The following NPAS3 variants were observed in gnomAD, a reference collection of about 807,000 sequenced individuals.
NPAS3 encodes neuronal PAS domain protein 3, also known as neuronal PAS domain-containing protein 3.
NPAS3 carries 14 observed loss-of-function variants against 73.1 expected under a neutral mutation model. That is an observed-to-expected ratio of 0.19 (90% CI 0.13 to 0.30). The LOEUF (loss-of-function observed/expected upper bound fraction) is 0.30. Ranked by LOEUF, NPAS3 falls within the 10% of genes least tolerant of loss-of-function variation. The pLI is 1.00. For synonymous variants in NPAS3, 620 were observed against 541.5 expected (o/e 1.14, Z -2.01); for missense variants, 1,096 against 1,250.0 (o/e 0.88, Z 1.86).
At chr14:33,725,714 T>C (rs987922238) in intron 6 of NPAS3, among the ~76,000 whole-genome samples, 1 of 152,130 alleles carries the variant, frequency 6.6e-6, no homozygotes, top group African/African-American at 2.4e-5. Flanking sequence ...TTGCCTTTCA[T>C]TGCCACTGTC....
At chr14:33,524,500 T>G (rs2053702869) in intron 4 of NPAS3, among the ~76,000 whole-genome samples, 1 of 152,300 alleles carries the variant, frequency 6.6e-6, no homozygotes, top group South Asian at 2.1e-4. Context: ...CTCCAGTTAA[T>G]CAATAATCTG....
At chr14:33,659,592 A>C (rs965263608) in intron 5 of NPAS3, among the ~76,000 whole-genome samples, 1 of 152,224 alleles carries the variant, frequency 6.6e-6, no homozygotes, top group Non-Finnish European at 1.5e-5. Flanking sequence ...AAATGACACA[A>C]TTAAAACTAG....
chr14:33,640,257 G>C (rs889728375), intron 5 of NPAS3, among the ~76,000 whole-genome samples: 4 of 151,442 alleles, frequency 2.6e-5, no homozygotes, highest in African/African-American at 9.7e-5. Context: ...CCCTCTTCTT[G>C]CTCCCTAGAG....
At chr14:33,292,816 A>G (rs757936376) in intron 3 of NPAS3, among the ~76,000 whole-genome samples, 1 of 152,158 alleles carries the variant, frequency 6.6e-6, no homozygotes, top group Non-Finnish European at 1.5e-5. Flanking sequence ...AATAATCCCC[A>G]TGTATTCTTG....
chr14:33,765,132 A>G (rs1761057279), intron 7 of NPAS3, among the ~76,000 whole-genome samples: 1 of 152,184 alleles, frequency 6.6e-6, no homozygotes, highest in African/African-American at 2.4e-5. Flanking sequence ...AATTATAGTT[A>G]TATTTTTTAT....
Position 33,735,199 on chromosome 14 carries a change from T to C in NPAS3, c.734-15T>C. The C allele has an allele frequency of 6.3e-7, 1 of 1,583,032 alleles. No homozygotes were observed. ...AGATCTAAATCGTGTGTGTCTGTATTTTTGTATTCCTCAGTGGAGTCAACC... is the reference window on the plus strand; with the variant it reads ...AGATCTAAATCGTGTGTGTCTGTATCTTTGTATTCCTCAGTGGAGTCAACC... On this transcript the variant is annotated splice_polypyrimidine_tract_variant and intron_variant, in intron 6 of 11. Coordinates refer to ENST00000356141, the Ensembl canonical transcript of NPAS3.
chr14:33,039,965 G>A (rs2040298861), intron 1 of NPAS3, among the ~76,000 whole-genome samples: 1 of 152,098 alleles, frequency 6.6e-6, no homozygotes, highest in African/African-American at 2.4e-5. Flanking sequence ...TTTTTTCCAT[G>A]TAAGGCTCTA....
intron 2 of NPAS3, among the ~76,000 whole-genome samples, chr14:33,206,441 C>T (rs1285611328): frequency 6.6e-6 from 1 of 152,088 alleles, no homozygotes; most frequent in Non-Finnish European, 1.5e-5. Flanking sequence ...AGAAAACTCC[C>T]AGTTTTGGGG....
intron 4 of NPAS3, among the ~76,000 whole-genome samples, chr14:33,497,882 CA>C (rs2052290270): frequency 6.6e-6 from 1 of 151,862 alleles, no homozygotes. Flanking sequence ...ACACAGCAAA[CA>C]AAACGACCGT....
chr14:33,155,136 T>G (rs2044601365), intron 2 of NPAS3, among the ~76,000 whole-genome samples: 1 of 152,244 alleles, frequency 6.6e-6, no homozygotes, highest in African/African-American at 2.4e-5. Flanking sequence ...TTTAAAACTT[T>G]TGCCTTGGGA....
At chr14:33,782,238 C>CCCTCCAGT (rs1188373253) in intron 9 of NPAS3, among the ~76,000 whole-genome samples, 1 of 152,232 alleles carries the variant, frequency 6.6e-6, no homozygotes, top group African/African-American at 2.4e-5. Context: ...ACCTCTTCCT[C>CCCTCCAGT]CCTCCAGTTC....
intron 2 of NPAS3, among the ~76,000 whole-genome samples, chr14:33,120,670 A>C (rs2043203156): frequency 6.6e-6 from 1 of 152,086 alleles, no homozygotes; most frequent in Non-Finnish European, 1.5e-5. Context: ...AGAAATGTAT[A>C]ATCTCAGCTC....
At chr14:33,742,979 A>T (rs1344241196) in intron 7 of NPAS3, among the ~76,000 whole-genome samples, 1 of 150,690 alleles carries the variant, frequency 6.6e-6, no homozygotes, top group Admixed American at 6.6e-5. Flanking sequence ...TCTACTTCTG[A>T]TTCTAATTCT....
intron 3 of NPAS3, among the ~76,000 whole-genome samples, chr14:33,281,904 C>T (rs577864625): frequency 1.4e-4 from 22 of 152,196 alleles, no homozygotes; most frequent in African/African-American, 5.3e-4. Flanking sequence ...AACAAGAGGC[C>T]AGTCGTTTGT....
rs771441361 is a variant in NPAS3 at position 33,800,896 on chromosome 14, C to A, written c.2589C>A (p.Leu863=). The change falls in exon 12 of 12, where the codon CTC becomes CTA. Residue 863 remains leucine, a synonymous_variant. Coordinates refer to ENST00000356141, the Ensembl canonical transcript of NPAS3. This position sits in a 1 kb window ranked among gnomAD's most constrained non-coding sequence, Gnocchi z 6.5. ...ACGTTAACAGCCCCGGCTTTGGCCTCGACCCCAAGACGCCCATGGAGATGC... is the reference window on the plus strand; with the variant it reads ...ACGTTAACAGCCCCGGCTTTGGCCTAGACCCCAAGACGCCCATGGAGATGC... The A allele has an allele frequency of 6.2e-7, 1 of 1,607,790 alleles. No homozygotes were observed. The highest frequency in any genetic ancestry group is 8.5e-7 in the Non-Finnish European group (1 of 1,177,656).
At chr14:33,141,294 T>C (rs6571583) in intron 2 of NPAS3, among the ~76,000 whole-genome samples, 56,239 of 152,032 alleles carry the variant, frequency 0.37, 11,252 homozygotes, top group African/African-American at 0.54. Flanking sequence ...GTTTTGTTAC[T>C]AAGGGGGAAA....
chr14:33,554,055 A>G (rs1043222119), intron 4 of NPAS3, among the ~76,000 whole-genome samples: 1 of 152,182 alleles, frequency 6.6e-6, no homozygotes, highest in African/African-American at 2.4e-5. Context: ...CTGCTGCCAA[A>G]ACAGAGTGGA....
chr14:33,257,972 T>C (rs893846068), intron 3 of NPAS3, among the ~76,000 whole-genome samples: 1 of 152,232 alleles, frequency 6.6e-6, no homozygotes, highest in Non-Finnish European at 1.5e-5. Flanking sequence ...AACCACATTT[T>C]ATAGAACTTC....
intron 2 of NPAS3, among the ~76,000 whole-genome samples, chr14:33,110,517 C>G (rs1486372338): frequency 1.3e-5 from 2 of 152,130 alleles, no homozygotes; most frequent in Non-Finnish European, 1.5e-5. Flanking sequence ...ACTTTTTGAA[C>G]ACAAAAACCT....
Sources: allele counts gnomAD v4.1 joint callset (sites outside exome capture counted in the v4.1 genomes callset), GRCh38; gene constraint gnomAD v4.1.1; non-coding constraint Gnocchi (gnomAD v3.1); transcripts MANE v1.5; gene names NCBI Gene and HGNC (gene_info 2026-07-23, HGNC 2026-07-21).